Variants in FRS2 observed in about 807,000 individuals in gnomAD.
The protein encoded by FRS2 is FGFR signalling adaptor.
In FRS2, 8 loss-of-function variants were observed where a neutral mutation model predicts 43.9. The observed-to-expected ratio is 0.18, with a 90% confidence interval of 0.11 to 0.33. The LOEUF is 0.33. Among genes scored for constraint, FRS2 ranks in the 10% least tolerant of loss-of-function variants. FRS2 has a pLI of 1.00. For synonymous variants in FRS2, 219 were observed against 220.3 expected, an observed-to-expected ratio of 0.99 and a Z score of 0.05; for missense variants, 534 against 627.6, an observed-to-expected ratio of 0.85 and a Z score of 1.59.
At chr12:69,572,096 A>G (rs1456052600) in intron 7 of FRS2, 22 bp from the exon 8 acceptor site, 2 of 1,606,144 alleles carry the variant, frequency 1.2e-6, no homozygotes, top group Non-Finnish European at 1.7e-6. Context: ...CCTTTTCCTT[A>G]AACCAATAAA....
intron 1 of FRS2, among the ~76,000 whole-genome samples, chr12:69,522,236 G>GTC (rs201784036): frequency 6.9e-6 from 1 of 144,906 alleles, no homozygotes; most frequent in African/African-American, 2.6e-5. Context: ...GTGTGTGTGT[G>GTC]TCTCTGCCAG....
rs148854831 is a variant in FRS2, at chr12:69,528,089, A to G, written c.-260-2776A>G. Among the ~76,000 whole-genome samples the G allele has an allele frequency of 6.1e-4, 93 of 152,334 alleles. 1 individual carries two copies. The highest frequency in any genetic ancestry group is 2.2e-3 in the African/African-American group (91 of 41,588). On this transcript the variant is annotated intron_variant, in intron 1 of 8. Coordinates refer to ENST00000549921, the MANE Select transcript of FRS2 (RefSeq NM_001278356.2). ...GAACTGTATCTTTGTTTTGGTTTTC[A>G]GGGACTGTTAAATGTGATCACTGAG...
At chr12:69,523,503 A>G (rs1036919705) in intron 1 of FRS2, among the ~76,000 whole-genome samples, 3 of 152,072 alleles carry the variant, frequency 2.0e-5, no homozygotes, top group Non-Finnish European at 4.4e-5. Context: ...GAAACAGTAT[A>G]CCATTGGGTC....
chr12:69,513,701 A>T (rs1874691639), intron 1 of FRS2, among the ~76,000 whole-genome samples: 1 of 152,184 alleles, frequency 6.6e-6, no homozygotes, highest in South Asian at 2.1e-4. Context: ...GATAATAATT[A>T]AAAATTTTTT....
At chr12:69,522,190 TTGTGTGTGTGTGTGTG>T (rs201103216) in intron 1 of FRS2, among the ~76,000 whole-genome samples, 4,161 of 134,804 alleles carry the variant, frequency 0.031, 79 homozygotes, top group Middle Eastern at 0.069. Flanking sequence ...GAAGTTTTCT[TTGTGTGTGTGTGTGTG>T]TGTGTGTGTG....
chr12:69,483,747 A>G (rs1396560980), intron 1 of FRS2, among the ~76,000 whole-genome samples: 3 of 152,242 alleles, frequency 2.0e-5, no homozygotes, highest in Admixed American at 2.0e-4. Flanking sequence ...ACCTTTGAGT[A>G]TATGGATTTC....
chr12:69,473,312 A>G (rs1047234106), intron 1 of FRS2, among the ~76,000 whole-genome samples: 1 of 152,240 alleles, frequency 6.6e-6, no homozygotes. Context: ...GTGTGTTTCT[A>G]CTGCATCATG....
intron 8 of FRS2, among the ~76,000 whole-genome samples, chr12:69,573,264 A>G (rs1055117725): frequency 2.6e-5 from 4 of 152,214 alleles, no homozygotes; most frequent in African/African-American, 9.6e-5. Context: ...AGTGGAGTTA[A>G]TCTTCTTATA....
chr12:69,481,761 A>G (rs927928586), intron 1 of FRS2, among the ~76,000 whole-genome samples: 3 of 152,090 alleles, frequency 2.0e-5, no homozygotes, highest in Non-Finnish European at 4.4e-5. Context: ...TTCAATTTGG[A>G]CTTGTCTGAT....
intron 1 of FRS2, among the ~76,000 whole-genome samples, chr12:69,475,265 T>C (rs1870662339): frequency 6.6e-6 from 1 of 152,216 alleles, no homozygotes; most frequent in Non-Finnish European, 1.5e-5. Flanking sequence ...TTCTTGAGAA[T>C]TAATACATTC....
rs953054498 is a variant in FRS2 at position 69,539,941 on chromosome 12, C to T, written c.-122+7885C>T. 4.6e-5 allele frequency among the ~76,000 whole-genome samples: 7 copies of T among 151,040 alleles called. No individual in the cohort carries two copies. The South Asian group carries it at 6.3e-4, about 14-fold the overall frequency. On this transcript the variant is annotated intron_variant, in intron 3 of 8. Coordinates refer to ENST00000549921, the MANE Select transcript of FRS2 (RefSeq NM_001278356.2). ...CTGCACTCCAGCCTGGGCGACAGTG[C>T]GGGACTCCGTCTCAAAAAAATAAAA... is the stretch of plus-strand genomic sequence containing the variant.
intron 3 of FRS2, among the ~76,000 whole-genome samples, chr12:69,557,202 T>C (rs1469015298): frequency 6.6e-6 from 1 of 152,248 alleles, no homozygotes; most frequent in Non-Finnish European, 1.5e-5. Flanking sequence ...AGGTTTATTA[T>C]GAAGGTTAAG....
intron 1 of FRS2, among the ~76,000 whole-genome samples, chr12:69,501,945 C>T (rs1873482443): frequency 6.6e-6 from 1 of 151,690 alleles, no homozygotes; most frequent in Non-Finnish European, 1.5e-5. Flanking sequence ...GGAGAAACAC[C>T]TATCTGTTTT....
intron 1 of FRS2, among the ~76,000 whole-genome samples, chr12:69,523,067 G>A (rs1875851597): frequency 6.6e-6 from 1 of 152,190 alleles, no homozygotes; most frequent in Non-Finnish European, 1.5e-5. Flanking sequence ...GTTTTGGGGT[G>A]GAGAGTTCTG....
chr12:69,518,361 A>C (rs558713186), intron 1 of FRS2, among the ~76,000 whole-genome samples: 44 of 152,264 alleles, frequency 2.9e-4, no homozygotes, highest in Admixed American at 1.2e-3. Context: ...AGAACTACTG[A>C]CAAATGAAGA....
At chr12:69,572,901 G>A (rs1347310564) in intron 8 of FRS2, among the ~76,000 whole-genome samples, 1 of 152,202 alleles carries the variant, frequency 6.6e-6, no homozygotes, top group African/African-American at 2.4e-5. Context: ...CATGATCTCA[G>A]CTCACTGCAA....
intron 1 of FRS2, among the ~76,000 whole-genome samples, chr12:69,490,313 G>C (rs1366116809): frequency 6.6e-6 from 1 of 151,460 alleles, no homozygotes; most frequent in Non-Finnish European, 1.5e-5. Context: ...AAGATGAACT[G>C]TTTCTTTACA....
intron 1 of FRS2, among the ~76,000 whole-genome samples, chr12:69,490,826 G>A (rs1020416179): frequency 6.6e-6 from 1 of 152,186 alleles, no homozygotes; most frequent in African/African-American, 2.4e-5. Flanking sequence ...ACCTCTAGTA[G>A]CCTAGATTTT....
chr12:69,525,191 TG>T (rs1231358227), intron 1 of FRS2, among the ~76,000 whole-genome samples: 2 of 62,884 alleles, frequency 3.2e-5, no homozygotes, highest in Admixed American at 2.6e-4. Context: ...GATGTAATAT[TG>T]TTTTTTTTTT....
Sources: gnomAD v4.1 joint callset for allele counts (sites outside exome capture counted in the v4.1 genomes callset) on GRCh38, gnomAD v4.1.1 for gene constraint, MANE v1.5 for transcripts, NCBI Gene and HGNC (gene_info 2026-07-23, HGNC 2026-07-21) for gene names.